Variants in TRPM3 observed in about 807,000 individuals in gnomAD.
TRPM3 encodes the protein long transient receptor potential channel 3.
TRPM3 carries 77 observed loss-of-function variants against 181.2 expected under a neutral mutation model. The ratio of observed to expected loss-of-function variants is 0.42; its 90% confidence interval spans 0.35 to 0.51. The LOEUF is 0.51. TRPM3 is among the 20% of genes least tolerant of loss of function. TRPM3 has a pLI of 0.01. For missense variants in TRPM3, 1,759 were observed against 2,196.7 expected, an observed-to-expected ratio of 0.80 and a Z score of 3.98; for synonymous variants, 745 against 796.4, an observed-to-expected ratio of 0.94 and a Z score of 1.09.
intron 1 of TRPM3, among the ~76,000 whole-genome samples, chr9:71,068,548 T>C (rs766805880): frequency 6.6e-6 from 1 of 152,206 alleles, no homozygotes; most frequent in African/African-American, 2.4e-5. Context: ...TACTTACAGC[T>C]GTGTGTCTTA....
intron 1 of TRPM3, among the ~76,000 whole-genome samples, chr9:71,104,936 AC>A (rs2069177015): frequency 6.6e-6 from 1 of 152,188 alleles, no homozygotes. Flanking sequence ...GGCAGTTCCT[AC>A]TAAGGTCAAA....
At chr9:71,095,795 AAAAGAGAG>A (rs2067077204) in intron 1 of TRPM3, among the ~76,000 whole-genome samples, 1 of 151,678 alleles carries the variant, frequency 6.6e-6, no homozygotes, top group African/African-American at 2.4e-5. Flanking sequence ...AAGAAAAGAA[AAAAGAGAG>A]AAAGAGAGAG....
intron 1 of TRPM3, among the ~76,000 whole-genome samples, chr9:71,237,075 A>AAC (rs2081399618): frequency 6.9e-6 from 1 of 144,946 alleles, no homozygotes; most frequent in Non-Finnish European, 1.5e-5. Flanking sequence ...GGGGGAAAAA[A>AAC]AGAAAGGAAA....
chr9:71,256,524 G>A (rs563426781), intron 1 of TRPM3, among the ~76,000 whole-genome samples: 65 of 151,352 alleles, frequency 4.3e-4, no homozygotes, highest in African/African-American at 1.6e-3. Context: ...GAGTATGGAG[G>A]GGAAAAAAAA....
chr9:71,126,526 T>C (rs999139200), upstream of TRPM3, among the ~76,000 whole-genome samples: 1 of 152,198 alleles, frequency 6.6e-6, no homozygotes, highest in Non-Finnish European at 1.5e-5. Flanking sequence ...TAGATTCCAT[T>C]TACCTACAGG....
intron 1 of TRPM3, among the ~76,000 whole-genome samples, chr9:71,047,847 C>CACACACACACTCACACAACAA (rs2059626926): frequency 7.8e-6 from 1 of 128,816 alleles, no homozygotes. Flanking sequence ...CACACACACA[C>CACACACACACTCACACAACAA]ACACACACAC....
chr9:71,357,064 G>A (rs920992311), intron 1 of TRPM3, among the ~76,000 whole-genome samples: 8 of 152,140 alleles, frequency 5.3e-5, no homozygotes, highest in Non-Finnish European at 1.0e-4. Flanking sequence ...GGACAGCAGA[G>A]TATGTATAAA....
At chr9:71,346,409 A>AG (rs2091296575) in intron 1 of TRPM3, among the ~76,000 whole-genome samples, 1 of 152,176 alleles carries the variant, frequency 6.6e-6, no homozygotes, top group Non-Finnish European at 1.5e-5. Context: ...CTATAGTCTT[A>AG]GGGGTGTACT....
intron 1 of TRPM3, among the ~76,000 whole-genome samples, chr9:71,196,913 C>T (rs2078410280): frequency 6.6e-6 from 1 of 151,844 alleles, no homozygotes; most frequent in Admixed American, 6.6e-5. Flanking sequence ...TACATGTGCA[C>T]AATGTGCAGG....
chr9:70,755,723 A>C (rs2076963417), intron 8 of TRPM3, among the ~76,000 whole-genome samples: 1 of 152,150 alleles, frequency 6.6e-6, no homozygotes, highest in South Asian at 2.1e-4. Context: ...CAGCCAAACT[A>C]AGCTTCACAA....
At chr9:70,884,623 C>T (rs182967081) in intron 1 of TRPM3, among the ~76,000 whole-genome samples, 6 of 152,278 alleles carry the variant, frequency 3.9e-5, no homozygotes, top group Admixed American at 6.5e-5. Flanking sequence ...TAAATAACTC[C>T]GAACAGTCTC....
At chr9:70,547,983 C>T (rs1454234137) in intron 25 of TRPM3, among the ~76,000 whole-genome samples, 3 of 152,184 alleles carry the variant, frequency 2.0e-5, no homozygotes, top group Non-Finnish European at 4.4e-5. Context: ...CGTTCTAGTT[C>T]CTCAGGGAGG....
intron 1 of TRPM3, among the ~76,000 whole-genome samples, chr9:71,285,946 T>C (rs2085245415): frequency 6.6e-6 from 1 of 152,184 alleles, no homozygotes; most frequent in Admixed American, 6.5e-5. Flanking sequence ...CAGCACAAAA[T>C]TATTCATATT....
At chr9:71,352,598 C>T (rs994091490) in intron 1 of TRPM3, among the ~76,000 whole-genome samples, 24 of 152,258 alleles carry the variant, frequency 1.6e-4, no homozygotes, top group African/African-American at 5.1e-4. Context: ...AAAGAAAGCA[C>T]CTAAATGAAC....
intron 6 of TRPM3, among the ~76,000 whole-genome samples, chr9:70,806,431 G>A (rs143416271): frequency 8.9e-4 from 135 of 152,260 alleles, no homozygotes; most frequent in Non-Finnish European, 1.7e-3. Context: ...GGTGGCTCAC[G>A]CCTGTAATCC....
At chr9:70,542,526 A>G (rs2043721865) in intron 25 of TRPM3, among the ~76,000 whole-genome samples, 1 of 152,212 alleles carries the variant, frequency 6.6e-6, no homozygotes, top group Non-Finnish European at 1.5e-5. Flanking sequence ...CCCCAGTAAG[A>G]TGATGACTAG....
rs766131509 is a variant in TRPM3 at position 70,591,081 on chromosome 9, T to C, written c.3173A>G (p.Tyr1058Cys). The stretch of plus-strand genomic sequence containing the variant: ...CCCATAAATCATCCAATAGGGCATG[T>C]AGAAGATGTTCTTGGCCAGTTTCCA... Reference protein sequence around the residue: ...PSWKLAKNIFYMPYWMIYGEV... With the variant: ...PSWKLAKNIFCMPYWMIYGEV... The change falls in exon 22 of 26, where the codon TAC (tyrosine) becomes TGC (cysteine). Residue 1058 changes from tyrosine to cysteine, a missense_variant. Tyr to Cys is a radical substitution (Grantham distance 194, BLOSUM62 -2). Transcript: ENST00000677713. 3 of 1,614,198 alleles carry C rather than the reference T, an allele frequency of 1.9e-6. No individual in the cohort carries two copies. The highest frequency in any genetic ancestry group is 2.2e-5 in the South Asian group (2 of 91,074).
intron 16 of TRPM3, among the ~76,000 whole-genome samples, chr9:70,619,716 T>C (rs1261250673): frequency 2.0e-5 from 3 of 151,984 alleles, no homozygotes; most frequent in African/African-American, 7.3e-5. Context: ...CACCAGGCAG[T>C]ATGTCCTGTT....
At chr9:71,141,587 C>T (rs1038341286) in intron 1 of TRPM3, among the ~76,000 whole-genome samples, 1 of 152,098 alleles carries the variant, frequency 6.6e-6, no homozygotes, top group African/African-American at 2.4e-5. Flanking sequence ...CAAACACACA[C>T]CTGAAATATT....
Sources: allele counts gnomAD v4.1 joint callset (sites outside exome capture counted in the v4.1 genomes callset), GRCh38; gene constraint gnomAD v4.1.1; transcripts MANE v1.5; gene names NCBI Gene and HGNC (gene_info 2026-07-23, HGNC 2026-07-21).